TRPS1: variants seen among roughly 807,000 people sequenced by gnomAD.
The protein encoded by TRPS1 is transcriptional repressor GATA binding 1.
Under a neutral mutation model 101.2 loss-of-function variants are expected in TRPS1, and 6 were observed. The observed-to-expected ratio is 0.06, with a 90% CI of 0.03 to 0.12. The LOEUF is 0.12. Among genes scored for constraint, TRPS1 ranks in the 10% least tolerant of loss-of-function variants. The probability of loss-of-function intolerance (pLI) is 1.00; values close to 1 mark genes in which losing one functional copy is unlikely to be tolerated. For missense variants in TRPS1, 1,363 were observed against 1,567.0 expected (o/e 0.87, Z 2.20); for synonymous variants, 578 against 589.8 (o/e 0.98, Z 0.29).
At chr8:115,662,441 C>T (rs527631979) in intron 1 of TRPS1, among the ~76,000 whole-genome samples, 2 of 151,884 alleles carry the variant, frequency 1.3e-5, no homozygotes, top group Non-Finnish European at 2.9e-5. Context: ...AAAGAAAAGT[C>T]GAAACAGTAC....
Position 115,604,080 on chromosome 8 carries a change from T to C in TRPS1, c.1889A>G (p.His630Arg), listed in dbSNP as rs1452935105. Residue 630 changes from histidine to arginine, a missense_variant, in exon 4 of 7, where the codon CAT becomes CGT. Physicochemically the swap from His to Arg is conservative, Grantham distance 29. Coordinates refer to ENST00000395715, the MANE Select transcript of TRPS1 (RefSeq NM_014112.5). The surrounding 1 kb of genome is among the most constrained non-coding windows in gnomAD (Gnocchi z 4.1). ...GTCAGGGGTGGTGAATGAACACTGA[T>C]GGCACTGATGTTTGACTCGCGAGCT... ...AGSSRVKHQC[H>R]QCSFTTPDVD... 1.2e-6 allele frequency: 2 copies of C among 1,614,066 alleles called. No individual in the cohort carries two copies. Among genetic ancestry groups the C allele is most frequent in the Non-Finnish European group, 1.7e-6 (2 of 1,179,994 alleles).
intron 5 of TRPS1, among the ~76,000 whole-genome samples, chr8:115,478,630 C>T (rs142547106): frequency 1.3e-5 from 2 of 151,862 alleles, no homozygotes; most frequent in African/African-American, 2.4e-5. Context: ...ATGGTGAAAC[C>T]CCATCTGTCC....
At position 115,491,371 on chromosome 8, in the gene TRPS1, C is replaced by A. The variant is rs570518562; in HGVS notation, c.2701-72919G>T. Among the ~76,000 whole-genome samples the A allele has an allele frequency of 2.2e-4, 33 of 152,210 alleles. No individual in the cohort carries two copies. The Middle Eastern group carries it at 0.01, about 47-fold the overall frequency. On this transcript the variant is annotated intron_variant, in intron 5 of 6. Coordinates refer to ENST00000395715, the MANE Select transcript of TRPS1 (RefSeq NM_014112.5). Reference sequence around the variant, plus strand: ...AGTGGCAATATGTACAGGGTGTTAGCGCATTAGATCATTACCCATTCCATC... The same window carrying A: ...AGTGGCAATATGTACAGGGTGTTAGAGCATTAGATCATTACCCATTCCATC...
At chr8:115,632,810 GTGAC>G (rs1165896782) in intron 1 of TRPS1, among the ~76,000 whole-genome samples, 1 of 152,160 alleles carries the variant, frequency 6.6e-6, no homozygotes, top group Admixed American at 6.6e-5. Context: ...AGTCAGGAGA[GTGAC>G]TGATTCCTGG....
intron 5 of TRPS1, among the ~76,000 whole-genome samples, chr8:115,542,922 T>G (rs2130311948): frequency 6.6e-6 from 1 of 152,302 alleles, no homozygotes; most frequent in Non-Finnish European, 1.5e-5. Context: ...AAGCTTAAGC[T>G]TTCTCCTTTC....
intron 5 of TRPS1, among the ~76,000 whole-genome samples, chr8:115,443,582 T>C (rs1813661100): frequency 6.6e-6 from 1 of 152,208 alleles, no homozygotes; most frequent in Admixed American, 6.5e-5. Context: ...CCTGCTGGTC[T>C]GGGTTCAAAT....
intron 5 of TRPS1, among the ~76,000 whole-genome samples, chr8:115,565,272 C>T (rs962673193): frequency 3.9e-5 from 6 of 152,072 alleles, no homozygotes. Flanking sequence ...AGTGGTTCTA[C>T]AACCCTGTCT....
chr8:115,518,221 T>C (rs1046346808), intron 5 of TRPS1, among the ~76,000 whole-genome samples: 74 of 151,894 alleles, frequency 4.9e-4, no homozygotes, highest in African/African-American at 1.6e-3. Flanking sequence ...ATGACAATAC[T>C]ATAAATTTAA....
At chr8:115,666,492 C>G (rs1379351048) in intron 1 of TRPS1, among the ~76,000 whole-genome samples, 1 of 152,054 alleles carries the variant, frequency 6.6e-6, no homozygotes, top group Non-Finnish European at 1.5e-5. Flanking sequence ...AGAGAGCCTT[C>G]TAAGCAAATG....
chr8:115,517,504 T>C (rs1209711287), intron 5 of TRPS1, among the ~76,000 whole-genome samples: 2 of 151,470 alleles, frequency 1.3e-5, no homozygotes, highest in Admixed American at 6.6e-5. Context: ...AAGGATGTCA[T>C]AGGGGTTCTG....
chr8:115,631,235 A>T (rs1818634226), intron 1 of TRPS1, among the ~76,000 whole-genome samples: 1 of 152,096 alleles, frequency 6.6e-6, no homozygotes, highest in Non-Finnish European at 1.5e-5. Flanking sequence ...TTCACACAGA[A>T]TTATGTGTTT....
At chr8:115,634,865 T>TA (rs759918682) in intron 1 of TRPS1, among the ~76,000 whole-genome samples, 142 of 141,080 alleles carry the variant, frequency 1.0e-3, no homozygotes, top group Admixed American at 1.5e-3. Context: ...CTTCTTAGGT[T>TA]AAAAAAAAAA....
At chr8:115,484,382 T>C (rs368440755) in intron 5 of TRPS1, among the ~76,000 whole-genome samples, 1 of 152,132 alleles carries the variant, frequency 6.6e-6, no homozygotes, top group Non-Finnish European at 1.5e-5. Flanking sequence ...ATTTCATATT[T>C]CCAAATTTTA....
chr8:115,572,451 T>A lies in TRPS1; in HGVS notation c.2700+14550A>T, dbSNP rs998214252. Reference sequence around the variant, plus strand: ...TTTAAATTTCTACAACATTTTGCTATTTTTTTTTTGTTATTGTTGTTGTTT... The same window carrying A: ...TTTAAATTTCTACAACATTTTGCTAATTTTTTTTTGTTATTGTTGTTGTTT... On this transcript the variant is annotated intron_variant, in intron 5 of 6. Coordinates refer to ENST00000395715, the MANE Select transcript of TRPS1 (RefSeq NM_014112.5). Among the ~76,000 whole-genome samples the A allele has an allele frequency of 1.0e-3, 17 of 16,994 alleles. No homozygotes were observed. In the African/African-American group the frequency reaches 0.027, roughly 27 times the overall value. The allele number at this position is 16,994 out of a possible 152,430, so 11.1% of individuals were successfully genotyped here. A position where few individuals can be genotyped will look rare whatever the true frequency, so the allele number is the denominator to read the frequency against.
chr8:115,668,279 G>T, intron 1 of TRPS1: 1 of 178,336 alleles, frequency 5.6e-6, no homozygotes, highest in Non-Finnish European at 1.1e-5. Context: ...CAAAAAGGAA[G>T]AAAGAAAATG....
intron 5 of TRPS1, among the ~76,000 whole-genome samples, chr8:115,522,484 A>C (rs1482221811): frequency 6.6e-6 from 1 of 152,062 alleles, no homozygotes; most frequent in East Asian, 1.9e-4. Flanking sequence ...GAAGTTTTCA[A>C]AGTAAAGTGT....
rs886062616 is a variant in TRPS1, at chr8:115,411,706, G to A, written c.*2317C>T. On this transcript the variant is annotated 3_prime_UTR_variant, in exon 7 of 7. Transcript: ENST00000395715. ...CAGTTTATGTGAATATTAGAGCTAC[G>A]CGACAGGTGAGATCAGAATAAGGCC... is the stretch of plus-strand genomic sequence containing the variant. 1.2e-4 allele frequency: 18 copies of A among 152,268 alleles called. No homozygotes were observed. The highest frequency in any genetic ancestry group is 4.4e-4 in the African/African-American group (18 of 41,360). 9.4% of individuals were successfully genotyped at this position (152,268 alleles called of 1,614,324 possible). A position where few individuals can be genotyped will look rare whatever the true frequency, so the allele number is the denominator to read the frequency against.
intron 1 of TRPS1, among the ~76,000 whole-genome samples, chr8:115,646,489 A>T (rs1819027479): frequency 6.6e-6 from 1 of 152,198 alleles, no homozygotes; most frequent in South Asian, 2.1e-4. Context: ...AAAGAGGTCA[A>T]AGTGCTCAAA....
intron 5 of TRPS1, among the ~76,000 whole-genome samples, chr8:115,468,646 A>C (rs1011529911): frequency 6.6e-6 from 1 of 152,172 alleles, no homozygotes; most frequent in Non-Finnish European, 1.5e-5. Flanking sequence ...CACACACACA[A>C]AAAACCTGAA....
Sources: gnomAD v4.1 joint callset for allele counts (sites outside exome capture counted in the v4.1 genomes callset) on GRCh38, gnomAD v4.1.1 for gene constraint, Gnocchi (gnomAD v3.1) non-coding constraint, MANE v1.5 for transcripts, NCBI Gene and HGNC (gene_info 2026-07-23, HGNC 2026-07-21) for gene names.